RCAN3: variants seen among roughly 807,000 people sequenced by gnomAD.
The protein encoded by RCAN3 is regulator of calcineurin 3, also known as calcipressin-3.
Under a neutral mutation model 21.9 loss-of-function variants are expected in RCAN3, and 19 were observed. That is an observed-to-expected ratio of 0.87 (90% CI 0.61 to 1.27). The LOEUF (loss-of-function observed/expected upper bound fraction) is 1.27, where lower values mean the gene tolerates loss of function less well. RCAN3 is among the 50% of genes most tolerant of loss of function. The pLI is 0.00. For missense variants in RCAN3, 240 were observed against 300.1 expected (o/e 0.80, Z 1.48); for synonymous variants, 114 against 112.3 (o/e 1.01, Z -0.09).
At chr1:24,504,145 AT>A (rs1359064004) in intron 1 of RCAN3, among the ~76,000 whole-genome samples, 2 of 152,150 alleles carry the variant, frequency 1.3e-5, no homozygotes, top group African/African-American at 4.8e-5. Flanking sequence ...TCAGCTTTAC[AT>A]TTTACTGCAT....
intron 2 of RCAN3, among the ~76,000 whole-genome samples, chr1:24,515,871 G>A (rs1339448842): frequency 3.3e-5 from 5 of 152,134 alleles, no homozygotes; most frequent in Admixed American, 1.3e-4. Context: ...GTGGCCGGGC[G>A]TGGTGGCTCA....
At position 24,524,585 on chromosome 1, in the gene RCAN3, A is replaced by T. The variant is rs568534734; in HGVS notation, c.196-6633A>T. 1.8e-3 allele frequency among the ~76,000 whole-genome samples: 269 copies of T among 152,254 alleles called. 1 individual carries two copies. The highest frequency in any genetic ancestry group is 6.2e-3 in the African/African-American group (256 of 41,546). On this transcript the variant is annotated intron_variant, in intron 2 of 4. Transcript: ENST00000374395. ...TGGCTGTTTTAGTCAGTGGTGATTG[A>T]TGAGAACCAAAAGCACTTTGCCTAC...
At chr1:24,533,357 A>T (rs60499489) in intron 4 of RCAN3, 103 bp downstream of exon 4, 16,110 of 912,778 alleles carry the variant, frequency 0.018, 204 homozygotes, top group African/African-American at 0.046. Context: ...AGCAGAGGAT[A>T]AAGTCAAACA....
rs5773091 is a variant in RCAN3, at chr1:24,524,828, GTTTTTT to G, written c.196-6376_196-6371del. 2.1e-3 allele frequency among the ~76,000 whole-genome samples: 261 copies of G among 127,248 alleles called. 1 individual carries two copies. Among genetic ancestry groups the G allele is most frequent in the Non-Finnish European group, 3.2e-3 (193 of 61,024 alleles). The allele number at this position is 127,248 out of a possible 152,430, so 83.5% of individuals were successfully genotyped here. A position where few individuals can be genotyped will look rare whatever the true frequency, so the allele number is the denominator to read the frequency against. On this transcript the variant is annotated intron_variant, in intron 2 of 4. Coordinates refer to ENST00000374395, the MANE Select transcript of RCAN3 (RefSeq NM_013441.4). ...TACTCTGTTTATTTTGTTTTCTTTT[GTTTTTT>G]TTTTTTTTTTTTTGAGACAGGGTCT...
chr1:24,527,890 A>C (rs1649401644), intron 2 of RCAN3, among the ~76,000 whole-genome samples: 1 of 150,178 alleles, frequency 6.7e-6, no homozygotes, highest in South Asian at 2.1e-4. Flanking sequence ...CCAATTCATT[A>C]ATAAATGGGA....
At chr1:24,505,232 CTTTTT>C (rs796980559) in intron 1 of RCAN3, among the ~76,000 whole-genome samples, 1 of 65,708 alleles carries the variant, frequency 1.5e-5, no homozygotes, top group Admixed American at 1.7e-4. Flanking sequence ...TCTCTTTTTT[CTTTTT>C]TTTTTTTTTT....
In RCAN3 at chr1:24,514,415, G is replaced by C. The variant is rs187872798; in HGVS notation, c.43G>C (p.Asp15His). 1 of 1,614,092 alleles carries C rather than the reference G, an allele frequency of 6.2e-7. No individual in the cohort carries two copies. Among genetic ancestry groups the C allele is most frequent in the Admixed American group, 1.7e-5 (1 of 60,014 alleles). The change falls in exon 2 of 5, where the codon GAT (aspartate) becomes CAT (histidine). Residue 15 changes from aspartate to histidine, a missense_variant. By Grantham distance (81) the Asp-to-His change is moderately conservative. Transcript: ENST00000374395. Reference protein sequence around the residue: ...TMKSWNDSQSDLCSTDQEEEE... With the variant: ...TMKSWNDSQSHLCSTDQEEEE... ...GAAATCTTGGAATGATAGCCAGTCA[G>C]ATCTGTGTAGCACTGACCAAGAAGA...
Position 24,539,176 on chromosome 1 carries a change from T to C in RCAN3, c.*3899T>C, listed in dbSNP as rs1412777769. On this transcript the variant is annotated 3_prime_UTR_variant, in exon 5 of 5. Transcript: ENST00000374395. ...ATCCCAACTCCTGGGCTAGGGCTTT[T>C]TCTACCTTTTTTTGCATTGGCCTCT... The C allele has an allele frequency of 2.0e-5, 3 of 152,150 alleles. No homozygotes were observed. Among genetic ancestry groups the C allele is most frequent in the Non-Finnish European group, 4.4e-5 (3 of 68,018 alleles). The allele number at this position is 152,150 out of a possible 1,614,324, so 9.4% of individuals were successfully genotyped here.
intron 2 of RCAN3, among the ~76,000 whole-genome samples, chr1:24,530,553 AG>A (rs1182696332): frequency 6.6e-6 from 1 of 152,120 alleles, no homozygotes; most frequent in East Asian, 1.9e-4. Context: ...ACTTTGAAGG[AG>A]GAAAGGAATG....
At chr1:24,530,379 A>AAAG (rs869086939) in intron 2 of RCAN3, among the ~76,000 whole-genome samples, 95 of 143,090 alleles carry the variant, frequency 6.6e-4, no homozygotes, top group Middle Eastern at 3.6e-3. Flanking sequence ...AAAAAAAAAA[A>AAAG]GACAGTCACA....
intron 2 of RCAN3, among the ~76,000 whole-genome samples, chr1:24,521,907 G>GGC (rs907537024): frequency 1.3e-4 from 19 of 151,820 alleles, no homozygotes; most frequent in African/African-American, 4.6e-4. Context: ...GGTTGCTGGG[G>GGC]GGGGTGGGGA....
intron 1 of RCAN3, among the ~76,000 whole-genome samples, chr1:24,507,032 G>A (rs966335619): frequency 2.0e-5 from 3 of 152,132 alleles, no homozygotes; most frequent in Admixed American, 2.0e-4. Context: ...CCCACCTTTA[G>A]AGATACTAAA....
chr1:24,526,171 G>A lies in RCAN3; in HGVS notation c.196-5047G>A, dbSNP rs536747338. On this transcript the variant is annotated intron_variant, in intron 2 of 4. Coordinates refer to ENST00000374395, the MANE Select transcript of RCAN3 (RefSeq NM_013441.4). ...CAGTGGTGAGATTGTGGCTCACTGC[G>A]GCCTCGAACTCCTGGGTTCAAGCAA... 1.2e-4 allele frequency among the ~76,000 whole-genome samples: 19 copies of A among 152,116 alleles called. No individual in the cohort carries two copies. In the East Asian group the frequency reaches 2.7e-3, roughly 22 times the overall value.
At chr1:24,533,544 A>G (rs1200844346) in intron 4 of RCAN3, among the ~76,000 whole-genome samples, 1 of 152,242 alleles carries the variant, frequency 6.6e-6, no homozygotes, top group East Asian at 1.9e-4. Context: ...CCACGCCTGT[A>G]ATCCTAGCAC....
chr1:24,531,478 A>G (rs1570483052), intron 3 of RCAN3, 87 bp downstream of exon 3: 3 of 1,024,176 alleles, frequency 2.9e-6, no homozygotes, highest in African/African-American at 1.6e-5. Flanking sequence ...CTATATTATT[A>G]TAGCAGAGGT....
At chr1:24,519,139 G>A (rs981170743) in intron 2 of RCAN3, among the ~76,000 whole-genome samples, 2 of 151,754 alleles carry the variant, frequency 1.3e-5, no homozygotes, top group African/African-American at 2.4e-5. Flanking sequence ...TCAAACTCTC[G>A]ACTTCAAGTG....
intron 2 of RCAN3, among the ~76,000 whole-genome samples, chr1:24,516,788 C>A (rs1648357305): frequency 6.6e-6 from 1 of 152,120 alleles, no homozygotes; most frequent in South Asian, 2.1e-4. Context: ...CGGATTGCAC[C>A]CGCCTGGAGA....
intron 1 of RCAN3, among the ~76,000 whole-genome samples, chr1:24,505,371 C>G (rs1482380817): frequency 6.6e-6 from 1 of 151,562 alleles, no homozygotes; most frequent in Non-Finnish European, 1.5e-5. Flanking sequence ...TTCTGAGTAG[C>G]TGGGACTACA....
chr1:24,518,993 A>G (rs1021019942), intron 2 of RCAN3, among the ~76,000 whole-genome samples: 16 of 152,076 alleles, frequency 1.1e-4, no homozygotes, highest in African/African-American at 3.4e-4. Context: ...CCAGGCTGGT[A>G]TCAAACTCCT....
Sources: allele counts gnomAD v4.1 joint callset (sites outside exome capture counted in the v4.1 genomes callset), GRCh38; gene constraint gnomAD v4.1.1; transcripts MANE v1.5; gene names NCBI Gene and HGNC (gene_info 2026-07-23, HGNC 2026-07-21).